The following CBFA2T3 variants were observed in gnomAD, a reference collection of about 807,000 sequenced individuals.
The protein encoded by CBFA2T3 is transcriptional corepressor CBFA2T3.
A neutral mutation model predicts 58.6 loss-of-function variants in CBFA2T3; 31 were observed. The observed-to-expected ratio is 0.53, with a 90% CI of 0.40 to 0.71. The LOEUF (loss-of-function observed/expected upper bound fraction) is 0.71. Among genes scored for constraint, CBFA2T3 ranks in the 30% least tolerant of loss-of-function variants. CBFA2T3 has a pLI of 0.00. For missense variants in CBFA2T3, 1,076 were observed against 963.1 expected, an observed-to-expected ratio of 1.12 and a Z score of -1.55; for synonymous variants, 531 against 421.9, an observed-to-expected ratio of 1.26 and a Z score of -3.17.
chr16:88,888,830 C>T (rs568586158), intron 5 of CBFA2T3, among the ~76,000 whole-genome samples: 1 of 151,942 alleles, frequency 6.6e-6, no homozygotes, highest in South Asian at 2.1e-4. Flanking sequence ...GTGGGCTGGC[C>T]CTGAGCTCCA....
At chr16:88,925,571 T>C (rs1971060170) in intron 1 of CBFA2T3, among the ~76,000 whole-genome samples, 1 of 152,212 alleles carries the variant, frequency 6.6e-6, no homozygotes, top group African/African-American at 2.4e-5. Flanking sequence ...GCAGTCACTT[T>C]GCAGTGGCAG....
chr16:88,956,673 C>G (rs1387776855), intron 1 of CBFA2T3, among the ~76,000 whole-genome samples: 2 of 152,242 alleles, frequency 1.3e-5, no homozygotes, highest in African/African-American at 4.8e-5. Context: ...CCCCACCTGG[C>G]CTGGTGTCTG....
chr16:88,886,893 G>T (rs980992488), intron 5 of CBFA2T3: 4 of 152,316 alleles, frequency 2.6e-5, no homozygotes, highest in African/African-American at 9.6e-5. Flanking sequence ...TCCGTATGCA[G>T]ACCCTGCCTT....
chr16:88,933,301 C>CAT (rs1018281236), intron 1 of CBFA2T3, among the ~76,000 whole-genome samples: 25 of 149,340 alleles, frequency 1.7e-4, no homozygotes, highest in Non-Finnish European at 3.1e-4. Flanking sequence ...ACGTCACGTG[C>CAT]CTCTATACGC....
At chr16:88,889,519 C>T (rs1301542131) in intron 5 of CBFA2T3, among the ~76,000 whole-genome samples, 4 of 151,928 alleles carry the variant, frequency 2.6e-5, no homozygotes, top group African/African-American at 9.7e-5. Context: ...ACGACCAGGG[C>T]GTTTGGAATT....
intron 1 of CBFA2T3, among the ~76,000 whole-genome samples, chr16:88,912,973 G>T (rs1480569787): frequency 6.6e-6 from 1 of 152,220 alleles, no homozygotes; most frequent in East Asian, 1.9e-4. Flanking sequence ...GGCTATTCAG[G>T]GCCCTCTCCC....
rs553200875 is a variant in CBFA2T3 at position 88,905,152 on chromosome 16, G to A, written c.152-3496C>T. 6.4e-3 allele frequency among the ~76,000 whole-genome samples: 974 copies of A among 152,206 alleles called. 6 individuals carry two copies. The highest frequency in any genetic ancestry group is 0.022 in the African/African-American group (913 of 41,502). On this transcript the variant is annotated intron_variant, in intron 1 of 11. Coordinates refer to ENST00000268679, the MANE Select transcript of CBFA2T3 (RefSeq NM_005187.6). The stretch of plus-strand genomic sequence containing the variant: ...GGAGGGGGGTGGGGGAGTGGGCAGC[G>A]GGGAGTCTGGAGCTCTGCACAGCAG...
At chr16:88,946,020 A>G (rs1971892741) in intron 1 of CBFA2T3, among the ~76,000 whole-genome samples, 1 of 152,222 alleles carries the variant, frequency 6.6e-6, no homozygotes, top group South Asian at 2.1e-4. Context: ...GAAAGTGAAC[A>G]TTGATGGCCG....
intron 1 of CBFA2T3, among the ~76,000 whole-genome samples, chr16:88,952,122 T>G (rs1401897939): frequency 6.6e-6 from 1 of 152,006 alleles, no homozygotes; most frequent in African/African-American, 2.4e-5. Context: ...ACAGCCCGAG[T>G]GATGGGAACA....
intron 1 of CBFA2T3, among the ~76,000 whole-genome samples, chr16:88,925,117 G>C (rs1254572256): frequency 6.6e-6 from 1 of 152,386 alleles, no homozygotes; most frequent in East Asian, 1.9e-4. Context: ...CCTCGTCCTG[G>C]ACACCGAGCT....
In CBFA2T3 at chr16:88,976,680, C is replaced by A; in HGVS notation, c.128G>T (p.Arg43Leu). 1 of 1,563,414 alleles carries A rather than the reference C, an allele frequency of 6.4e-7. No homozygotes were observed. The highest frequency in any genetic ancestry group is 8.7e-7 in the Non-Finnish European group (1 of 1,153,930). The change falls in exon 1 of 12, where the codon CGG becomes CTG. Residue 43 changes from arginine (R) to leucine (L), a missense_variant. Arg to Leu is a moderately radical substitution (Grantham distance 102). Transcript: ENST00000268679. The stretch of plus-strand genomic sequence containing the variant: ...ACCTGGGCCGCCCTTCCTGGGACCC[C>A]GGGGTGCGGAGCAGCCGGCAGATGC... ...LLASAGCSAPRGPRKGGPAPV... is the reference protein window; with the variant it reads ...LLASAGCSAPLGPRKGGPAPV...
At chr16:88,924,054 G>A (rs562635442) in intron 1 of CBFA2T3, among the ~76,000 whole-genome samples, 1 of 152,332 alleles carries the variant, frequency 6.6e-6, no homozygotes, top group South Asian at 2.1e-4. Flanking sequence ...GGCGTGGTCA[G>A]GCAAGGTCAC....
At chr16:88,901,702 CA>C in intron 1 of CBFA2T3, 46 bp from the exon 2 acceptor site, 1 of 1,500,356 alleles carries the variant, frequency 6.7e-7, no homozygotes. Flanking sequence ...AGGCTAAGTG[CA>C]AAGGCCAGGG....
intron 1 of CBFA2T3, among the ~76,000 whole-genome samples, chr16:88,911,157 G>A (rs1970518567): frequency 6.6e-6 from 1 of 152,226 alleles, no homozygotes; most frequent in East Asian, 1.9e-4. Flanking sequence ...GACCCAGGGC[G>A]GACCCTTCCT....
chr16:88,928,375 C>A (rs974980589), intron 1 of CBFA2T3, among the ~76,000 whole-genome samples: 1 of 152,214 alleles, frequency 6.6e-6, no homozygotes, highest in African/African-American at 2.4e-5. Context: ...GGAGTCACAA[C>A]GCCAGGTCAC....
At chr16:88,970,248 C>G (rs576597164) in intron 1 of CBFA2T3, among the ~76,000 whole-genome samples, 16 of 152,332 alleles carry the variant, frequency 1.1e-4, no homozygotes, top group African/African-American at 3.8e-4. Context: ...TCAGGATGTG[C>G]TTGATCCAGG....
At chr16:88,967,067 C>T (rs946737052) in intron 1 of CBFA2T3, among the ~76,000 whole-genome samples, 8 of 152,144 alleles carry the variant, frequency 5.3e-5, no homozygotes, top group Non-Finnish European at 2.9e-5. Context: ...AACCTCTCTC[C>T]ATAGGGAAGC....
chr16:88,919,538 C>T (rs569263500), intron 1 of CBFA2T3, among the ~76,000 whole-genome samples: 140 of 152,308 alleles, frequency 9.2e-4, no homozygotes, highest in African/African-American at 3.1e-3. Flanking sequence ...CTCAGCCTTA[C>T]GGGTAAGAAG....
rs963526033 is a variant in CBFA2T3, at chr16:88,967,849, G to T, written c.151+8808C>A. The stretch of plus-strand genomic sequence containing the variant: ...AGGACGCCCCCTGCCCCGGAGCAGC[G>T]CGTCCAGCGGGGGTCGGCGTGAGCT... On this transcript the variant is annotated intron_variant, in intron 1 of 11. Coordinates refer to ENST00000268679, the MANE Select transcript of CBFA2T3 (RefSeq NM_005187.6). Among the ~76,000 whole-genome samples, 3 of 152,338 alleles carry T rather than the reference G, an allele frequency of 2.0e-5. No homozygotes were observed. The South Asian group carries it at 6.2e-4, about 32-fold the overall frequency.
Sources: allele counts gnomAD v4.1 joint callset (sites outside exome capture counted in the v4.1 genomes callset), GRCh38; gene constraint gnomAD v4.1.1; transcripts MANE v1.5; gene names NCBI Gene and HGNC (gene_info 2026-07-23, HGNC 2026-07-21).